The following PLAA variants were observed in gnomAD, a reference collection of about 807,000 sequenced individuals.
The protein encoded by PLAA is phospholipase A2 activating protein.
PLAA carries 48 observed loss-of-function variants against 84.1 expected under a neutral mutation model. The observed-to-expected ratio is 0.57, with a 90% CI of 0.45 to 0.73. The LOEUF is 0.73. Ranked by LOEUF, PLAA falls within the 30% of genes least tolerant of loss-of-function variation. The probability of loss-of-function intolerance (pLI) is 0.00; values close to 1 mark genes in which losing one functional copy is unlikely to be tolerated. For synonymous variants in PLAA, 392 were observed against 336.6 expected (o/e 1.16, Z -1.80); for missense variants, 903 against 954.7 (o/e 0.95, Z 0.71).
intron 12 of PLAA, among the ~76,000 whole-genome samples, chr9:26,908,436 G>A (rs1458675391): frequency 2.0e-5 from 3 of 151,284 alleles, no homozygotes; most frequent in African/African-American, 7.3e-5. Flanking sequence ...GAAGTGCTGT[G>A]ATTACAGGTG....
At position 26,919,167 on chromosome 9, in the gene PLAA, T is replaced by C. The variant is rs540252012; in HGVS notation, c.1417+143A>G. 5.8e-6 allele frequency: 3 copies of C among 517,568 alleles called. No homozygotes were observed. In the Admixed American group the frequency reaches 1.0e-4, roughly 18 times the overall value. 32.1% of individuals were successfully genotyped at this position (517,568 alleles called of 1,614,324 possible). ...ACAGAATTACTTCATCATTTGAGGC[T>C]TAAACATATGAATGTGAAGTAAAAC... On this transcript the variant is annotated intron_variant, in intron 9 of 13. Transcript: ENST00000397292.
At position 26,946,954 on chromosome 9, in the gene PLAA, GGCGGA is replaced by G; in HGVS notation, c.87_91del (p.Pro30GlyfsTer47). On this transcript the variant is annotated frameshift_variant, in exon 1 of 14. Coordinates refer to ENST00000397292, the MANE Select transcript of PLAA (RefSeq NM_001031689.3). LOFTEE classifies it high-confidence loss of function. The stretch of plus-strand genomic sequence containing the variant: ...TCGGGACACGGACACAAAGGCTCCC[GGCGGA>G]TAGGCGCAGCACACCAGGCCCCGTA... 1 of 1,588,564 alleles carries G rather than the reference GGCGGA, an allele frequency of 6.3e-7. No individual in the cohort carries two copies. The highest frequency in any genetic ancestry group is 8.6e-7 in the Non-Finnish European group (1 of 1,167,554).
Position 26,923,241 on chromosome 9 carries a change from T to G in PLAA, c.976A>C (p.Thr326Pro), listed in dbSNP as rs1243325395. Reference protein sequence around the residue: ...ELSHATIDSKTGDLGDINAEQ... With the variant: ...ELSHATIDSKPGDLGDINAEQ... ...GCATTGATGTCCCCTAAATCGCCAG[T>G]TTTAGAATCAATGGTTGCGTGAGAC... The change falls in exon 7 of 14, where the codon ACT becomes CCT. Residue 326 changes from threonine (T) to proline (P), a missense_variant. Physicochemically the swap from Thr to Pro is conservative, Grantham distance 38 (BLOSUM62 -1). Transcript: ENST00000397292. 1 of 1,613,598 alleles carries G rather than the reference T, an allele frequency of 6.2e-7. No homozygotes were observed. The highest frequency in any genetic ancestry group is 1.1e-5 in the South Asian group (1 of 91,040).
intron 6 of PLAA, among the ~76,000 whole-genome samples, chr9:26,925,461 G>A (rs773614500): frequency 2.6e-5 from 4 of 152,160 alleles, no homozygotes; most frequent in Non-Finnish European, 5.9e-5. Flanking sequence ...ACAAAAATTT[G>A]CGTATCTTTT....
chr9:26,910,375 A>G lies in PLAA; in HGVS notation c.1620T>C (p.Ala540=). ...TAGGGTTTGCTTGGTCAAATGTGAC[A>G]GCCTCTTTTTTAGGGAAATAAATAT... ...TMNIYFPKKE[A]VTFDQANPTQ... is the part of the protein sequence containing the mutation. Residue 540 remains alanine, a synonymous_variant, in exon 12 of 14, where the codon GCT becomes GCC. Transcript: ENST00000397292. 2 of 1,613,394 alleles carry G rather than the reference A, an allele frequency of 1.2e-6. No individual in the cohort carries two copies. Among genetic ancestry groups the G allele is most frequent in the South Asian group, 1.1e-5 (1 of 91,058 alleles).
In PLAA at chr9:26,947,186, T is replaced by A; in HGVS notation, c.-141A>T. On this transcript the variant is annotated 5_prime_UTR_variant, in exon 1 of 14. Coordinates refer to ENST00000397292, the MANE Select transcript of PLAA (RefSeq NM_001031689.3). ...GAGACCGGAAGAGCCCGAGAGCCGGTACGGAAGGGCGGCTGGGAAGGGGCG... is the reference window on the plus strand; with the variant it reads ...GAGACCGGAAGAGCCCGAGAGCCGGAACGGAAGGGCGGCTGGGAAGGGGCG... The A allele has an allele frequency of 9.8e-7, 1 of 1,015,666 alleles. No homozygotes were observed. Among genetic ancestry groups the A allele is most frequent in the Non-Finnish European group, 1.4e-6 (1 of 738,918 alleles). 62.9% of individuals were successfully genotyped at this position (1,015,666 alleles called of 1,614,324 possible).
rs144918422 is a variant in PLAA, at chr9:26,919,316, A to G, written c.1411T>C (p.Phe471Leu). The G allele has an allele frequency of 6.2e-7, 1 of 1,604,428 alleles. No individual in the cohort carries two copies. Among genetic ancestry groups the G allele is most frequent in the Non-Finnish European group, 8.5e-7 (1 of 1,173,930 alleles). The change falls in exon 9 of 14, where the codon TTT becomes CTT. Residue 471 changes from phenylalanine to leucine, a missense_variant. Physicochemically the swap from Phe to Leu is conservative, Grantham distance 22 (BLOSUM62 0). Transcript: ENST00000397292. ...AATATAAACACTAACTTACCTGTAAATGGATCTGAAAAGCTGGGATTCCCA... is the reference window on the plus strand; with the variant it reads ...AATATAAACACTAACTTACCTGTAAGTGGATCTGAAAAGCTGGGATTCCCA... ...GLGNPSFSDP[F>L]TGGGRYVPGS...
intron 2 of PLAA, among the ~76,000 whole-genome samples, chr9:26,930,710 G>A (rs1255843053): frequency 2.0e-5 from 3 of 151,496 alleles, no homozygotes; most frequent in Non-Finnish European, 4.4e-5. Context: ...AACCTCCCAC[G>A]TAGCTTGGAT....
intron 2 of PLAA, among the ~76,000 whole-genome samples, chr9:26,932,089 AAAAC>A (rs773546543): frequency 5.9e-5 from 9 of 152,196 alleles, no homozygotes; most frequent in Non-Finnish European, 1.0e-4. Context: ...CTCCATCTCC[AAAAC>A]AAACAAACAA....
intron 2 of PLAA, among the ~76,000 whole-genome samples, chr9:26,932,229 T>C (rs1825211083): frequency 6.6e-6 from 1 of 152,252 alleles, no homozygotes; most frequent in Non-Finnish European, 1.5e-5. Context: ...TTTTGTTTTG[T>C]TTTGTTTTAG....
intron 10 of PLAA, 127 bp from the exon 11 acceptor site, chr9:26,914,074 C>T: frequency 1.6e-6 from 1 of 640,680 alleles, no homozygotes; most frequent in Middle Eastern, 2.6e-4. Flanking sequence ...AATAAATATG[C>T]CACAAATTTA....
chr9:26,936,105 A>G (rs1825349032), intron 1 of PLAA, among the ~76,000 whole-genome samples: 1 of 152,302 alleles, frequency 6.6e-6, no homozygotes, highest in Non-Finnish European at 1.5e-5. Context: ...GTTGAAGAAG[A>G]TAAGTGTACA....
rs1297599095 is a variant in PLAA at position 26,904,083 on chromosome 9, A to T, written c.*1428T>A. The T allele has an allele frequency of 1.3e-5, 2 of 153,416 alleles. No individual in the cohort carries two copies. The highest frequency in any genetic ancestry group is 4.8e-5 in the African/African-American group (2 of 41,468). The allele number at this position is 153,416 out of a possible 1,614,324, so 9.5% of individuals were successfully genotyped here. A position where few individuals can be genotyped will look rare whatever the true frequency, so the allele number is the denominator to read the frequency against. On this transcript the variant is annotated 3_prime_UTR_variant, in exon 14 of 14. Transcript: ENST00000397292. ...TATTTAGTCCAGGTACACACCAGGT[A>T]GTTCCAATTTAATACTCAGCAAAGT...
chr9:26,913,487 A>T (rs921912335), intron 11 of PLAA, among the ~76,000 whole-genome samples: 1 of 152,248 alleles, frequency 6.6e-6, no homozygotes, highest in Non-Finnish European at 1.5e-5. Context: ...AAGAATGAAG[A>T]GATGAGAATA....
At chr9:26,909,161 T>A (rs1307458258) in intron 12 of PLAA, among the ~76,000 whole-genome samples, 2 of 152,098 alleles carry the variant, frequency 1.3e-5, no homozygotes, top group African/African-American at 4.8e-5. Context: ...AAGTCCAAAT[T>A]CCGATAATAA....
intron 11 of PLAA, among the ~76,000 whole-genome samples, chr9:26,913,205 A>G (rs1315783301): frequency 6.6e-6 from 1 of 152,234 alleles, no homozygotes. Context: ...AAAAAAATAT[A>G]TGCCAAGATA....
At chr9:26,937,116 G>C (rs908374054) in intron 1 of PLAA, among the ~76,000 whole-genome samples, 2 of 152,030 alleles carry the variant, frequency 1.3e-5, no homozygotes, top group Non-Finnish European at 1.5e-5. Context: ...ACTCCAGCCT[G>C]GGGGGACAAC....
At chr9:26,932,937 C>T (rs1461945764) in intron 2 of PLAA, among the ~76,000 whole-genome samples, 1 of 151,998 alleles carries the variant, frequency 6.6e-6, no homozygotes, top group Non-Finnish European at 1.5e-5. Flanking sequence ...GAGTTCGAGA[C>T]CAGCCTGGCC....
At chr9:26,945,538 G>A (rs1286507724) in intron 1 of PLAA, among the ~76,000 whole-genome samples, 3 of 152,184 alleles carry the variant, frequency 2.0e-5, no homozygotes, top group Non-Finnish European at 2.9e-5. Flanking sequence ...ACCATCTTGT[G>A]TTGATTATAC....
Sources: gnomAD v4.1 joint callset for allele counts (sites outside exome capture counted in the v4.1 genomes callset) on GRCh38, gnomAD v4.1.1 for gene constraint, MANE v1.5 for transcripts, NCBI Gene and HGNC (gene_info 2026-07-23, HGNC 2026-07-21) for gene names.